Variants in ADGRL2 observed in about 807,000 individuals in gnomAD.
ADGRL2 encodes adhesion G protein-coupled receptor L2.
In ADGRL2, 44 loss-of-function variants were observed where a neutral mutation model predicts 157.4. That is an observed-to-expected ratio of 0.28 (90% CI 0.22 to 0.36). The LOEUF (loss-of-function observed/expected upper bound fraction) is 0.36, where lower values mean the gene tolerates loss of function less well. Ranked by LOEUF, ADGRL2 falls within the 10% of genes least tolerant of loss-of-function variation. The pLI is 1.00. For missense variants in ADGRL2, 1,510 were observed against 1,768.9 expected (o/e 0.85, Z 2.63); for synonymous variants, 585 against 624.7 (o/e 0.94, Z 0.95).
intron 1 of ADGRL2, among the ~76,000 whole-genome samples, chr1:81,702,079 T>G (rs1035203275): frequency 3.3e-5 from 5 of 152,174 alleles, no homozygotes; most frequent in African/African-American, 1.2e-4. Flanking sequence ...TTAATGGATA[T>G]GTGAAAGAGT....
intron 2 of ADGRL2, among the ~76,000 whole-genome samples, chr1:81,874,994 A>G (rs2093799513): frequency 6.6e-6 from 1 of 152,168 alleles, no homozygotes; most frequent in African/African-American, 2.4e-5. Context: ...GGTATGAGCC[A>G]TCGAACCTGA....
chr1:81,575,658 G>C (rs1176736648), intron 2 of ADGRL2, among the ~76,000 whole-genome samples: 1 of 152,070 alleles, frequency 6.6e-6, no homozygotes, highest in African/African-American at 2.4e-5. Flanking sequence ...AATACATACA[G>C]ATTTTTTTTG....
chr1:81,941,878 G>A (rs977447669), intron 4 of ADGRL2, among the ~76,000 whole-genome samples, 156 bp from the exon 5 acceptor site: 1 of 151,796 alleles, frequency 6.6e-6, no homozygotes, highest in Non-Finnish European at 1.5e-5. Context: ...TTCCTGTTGT[G>A]TGTTTCTCTT....
intron 1 of ADGRL2, among the ~76,000 whole-genome samples, chr1:81,383,170 G>A: frequency 6.6e-6 from 1 of 152,094 alleles, no homozygotes; most frequent in East Asian, 1.9e-4. Flanking sequence ...CTAGATAAAG[G>A]AAAAGAACTT....
At chr1:81,507,640 C>G (rs1374161015) in intron 2 of ADGRL2, among the ~76,000 whole-genome samples, 1 of 152,156 alleles carries the variant, frequency 6.6e-6, no homozygotes, top group Non-Finnish European at 1.5e-5. Flanking sequence ...AAGGATTCAT[C>G]AAGCTGCTGA....
chr1:81,504,626 A>C (rs1040103287), intron 2 of ADGRL2, among the ~76,000 whole-genome samples: 8 of 152,124 alleles, frequency 5.3e-5, no homozygotes, highest in Admixed American at 5.2e-4. Context: ...GGGTGGAGGC[A>C]TGCAGGGGAG....
intron 2 of ADGRL2, among the ~76,000 whole-genome samples, chr1:81,527,917 A>G (rs1166847208): frequency 1.3e-5 from 2 of 151,000 alleles, no homozygotes; most frequent in Non-Finnish European, 2.9e-5. Flanking sequence ...AATACCAACA[A>G]TTAGCCGGGT....
chr1:81,333,819 T>G (rs1557604548), intron 1 of ADGRL2, among the ~76,000 whole-genome samples: 1 of 152,174 alleles, frequency 6.6e-6, no homozygotes, highest in Non-Finnish European at 1.5e-5. Context: ...TATAGTGTTC[T>G]GTGGGAGTCC....
At chr1:81,588,455 T>C (rs974769215) in intron 3 of ADGRL2, 1 of 152,116 alleles carries the variant, frequency 6.6e-6, no homozygotes, top group Admixed American at 6.6e-5. Flanking sequence ...CTGTATAAGA[T>C]AAAGATGAGT....
chr1:81,555,600 A>G (rs2080255963), intron 2 of ADGRL2, among the ~76,000 whole-genome samples: 1 of 151,996 alleles, frequency 6.6e-6, no homozygotes, highest in Admixed American at 6.5e-5. Context: ...TAGCAATTCG[A>G]CAGAGAATTT....
chr1:81,417,078 G>A (rs953745132), intron 1 of ADGRL2, among the ~76,000 whole-genome samples: 1 of 152,000 alleles, frequency 6.6e-6, no homozygotes, highest in African/African-American at 2.4e-5. Context: ...TGTACAAAAA[G>A]CATCTTCCTT....
chr1:81,589,518 TG>T (rs2081091260), intron 3 of ADGRL2, among the ~76,000 whole-genome samples: 2 of 152,194 alleles, frequency 1.3e-5, no homozygotes, highest in Admixed American at 1.3e-4. Flanking sequence ...ATATATCACA[TG>T]CAGCATAACA....
chr1:81,530,000 A>G (rs2079560349), intron 2 of ADGRL2, among the ~76,000 whole-genome samples: 1 of 152,246 alleles, frequency 6.6e-6, no homozygotes, highest in Non-Finnish European at 1.5e-5. Flanking sequence ...AACATGCCCA[A>G]GGTCACTGAC....
At chr1:81,476,126 T>G (rs981574508) in intron 2 of ADGRL2, among the ~76,000 whole-genome samples, 3 of 146,570 alleles carry the variant, frequency 2.0e-5, no homozygotes, top group African/African-American at 7.6e-5. Flanking sequence ...AATATATGGG[T>G]AGGAAAAAAA....
chr1:81,537,131 C>T (rs976065685), intron 2 of ADGRL2, among the ~76,000 whole-genome samples: 2 of 152,048 alleles, frequency 1.3e-5, no homozygotes, highest in Admixed American at 6.6e-5. Context: ...CGGAATATGT[C>T]CACTGTATAC....
At chr1:81,341,823 T>C (rs1004552465) in intron 1 of ADGRL2, among the ~76,000 whole-genome samples, 1 of 152,188 alleles carries the variant, frequency 6.6e-6, no homozygotes, top group African/African-American at 2.4e-5. Context: ...ATTACTCTAG[T>C]AAATGCTAGT....
intron 2 of ADGRL2, among the ~76,000 whole-genome samples, chr1:81,506,456 C>T (rs1395190898): frequency 6.6e-6 from 1 of 152,082 alleles, no homozygotes; most frequent in South Asian, 2.1e-4. Context: ...AACCTGTAAT[C>T]CCAGCACTTT....
In ADGRL2 at chr1:81,874,964, C is replaced by T. The variant is rs531404377; in HGVS notation, c.74-32053C>T. Among the ~76,000 whole-genome samples, 4 of 152,266 alleles carry T rather than the reference C, an allele frequency of 2.6e-5. No individual in the cohort carries two copies. The South Asian group carries it at 6.2e-4, about 24-fold the overall frequency. ...TTAGGTGATCCACCCACCTCAGCCTCCCAATGTGCTGGGATTACTGGTATG... is the reference window on the plus strand; with the variant it reads ...TTAGGTGATCCACCCACCTCAGCCTTCCAATGTGCTGGGATTACTGGTATG... On this transcript the variant is annotated intron_variant, in intron 2 of 23. Transcript: ENST00000686636.
chr1:81,598,420 T>C (rs2081277473), intron 3 of ADGRL2, among the ~76,000 whole-genome samples: 1 of 152,212 alleles, frequency 6.6e-6, no homozygotes, highest in South Asian at 2.1e-4. Flanking sequence ...TCTAAAGTTC[T>C]TACAATAATT....
Sources: allele counts gnomAD v4.1 joint callset (sites outside exome capture counted in the v4.1 genomes callset), GRCh38; gene constraint gnomAD v4.1.1; transcripts MANE v1.5; gene names NCBI Gene and HGNC (gene_info 2026-07-23, HGNC 2026-07-21).